Variants in AMN1 observed in about 807,000 individuals in gnomAD.
The protein encoded by AMN1 is protein AMN1 homolog.
AMN1 carries 20 observed loss-of-function variants against 33.0 expected under a neutral mutation model. That is an observed-to-expected ratio of 0.61 (90% CI 0.43 to 0.88). AMN1 has a LOEUF of 0.88. Ranked by LOEUF, AMN1 falls within the 40% of genes least tolerant of loss-of-function variation. The pLI is 0.00. For missense variants in AMN1, 246 were observed against 307.4 expected (o/e 0.80, Z 1.49); for synonymous variants, 114 against 111.9 (o/e 1.02, Z -0.12).
Position 31,675,786 on chromosome 12 carries a change from C to T in AMN1, c.704-3409G>A, listed in dbSNP as rs376404674. 9.2e-5 allele frequency among the ~76,000 whole-genome samples: 14 copies of T among 151,828 alleles called. No individual in the cohort carries two copies. In the East Asian group the frequency reaches 2.1e-3, roughly 23 times the overall value. ...CCTCCCAAAGTGCTGGGGTTACAGGCGTGAGCCACCGTTACCCGCCAGGAT... is the reference window on the plus strand; with the variant it reads ...CCTCCCAAAGTGCTGGGGTTACAGGTGTGAGCCACCGTTACCCGCCAGGAT... On this transcript the variant is annotated intron_variant, in intron 6 of 6. Coordinates refer to ENST00000281471, the MANE Select transcript of AMN1 (RefSeq NM_001113402.2).
intron 1 of AMN1, among the ~76,000 whole-genome samples, chr12:31,711,417 C>T (rs1473254748): frequency 2.0e-5 from 3 of 152,302 alleles, no homozygotes; most frequent in African/African-American, 7.2e-5. Flanking sequence ...ATCACCTACT[C>T]TTAAATGTTG....
chr12:31,724,674 TG>T (rs1311925654), intron 1 of AMN1, among the ~76,000 whole-genome samples: 1 of 152,206 alleles, frequency 6.6e-6, no homozygotes, highest in African/African-American at 2.4e-5. Context: ...TCCTACAACA[TG>T]GCTCTCTGCC....
chr12:31,724,364 T>C (rs1000890959), intron 1 of AMN1, among the ~76,000 whole-genome samples: 2 of 152,122 alleles, frequency 1.3e-5, no homozygotes, highest in African/African-American at 2.4e-5. Flanking sequence ...CGACAATAGC[T>C]CTGATAACCA....
rs11551368 is a variant in AMN1 at position 31,672,186 on chromosome 12, G to C, written c.*118C>G. ...TAATTCTCTGAGAGTTATAACTTAA[G>C]ACAATAAAATAATTAAAAATAGTGT... On this transcript the variant is annotated 3_prime_UTR_variant, in exon 7 of 7. Transcript: ENST00000281471. 0.12 allele frequency: 87,617 copies of C among 708,422 alleles called. 5,663 individuals are homozygous for C. The highest frequency in any genetic ancestry group is 0.13 in the Non-Finnish European group (53,498 of 413,404). 43.9% of individuals were successfully genotyped at this position (708,422 alleles called of 1,614,324 possible).
Sources: allele counts gnomAD v4.1 joint callset (sites outside exome capture counted in the v4.1 genomes callset), GRCh38; gene constraint gnomAD v4.1.1; transcripts MANE v1.5; gene names NCBI Gene and HGNC (gene_info 2026-07-23, HGNC 2026-07-21).